Variants in JAKMIP2 observed in about 807,000 individuals in gnomAD.
The protein encoded by JAKMIP2 is janus kinase and microtubule-interacting protein 2.
In JAKMIP2, 25 loss-of-function variants were observed where a neutral mutation model predicts 115.0. The ratio of observed to expected loss-of-function variants is 0.22; its 90% CI spans 0.16 to 0.30. The LOEUF is 0.30. Ranked by LOEUF, JAKMIP2 falls within the 10% of genes least tolerant of loss-of-function variation. The pLI is 1.00. For missense variants in JAKMIP2, 642 were observed against 957.6 expected (o/e 0.67, Z 4.35); for synonymous variants, 334 against 343.6 (o/e 0.97, Z 0.31).
intron 1 of JAKMIP2, among the ~76,000 whole-genome samples, chr5:147,751,725 G>A (rs763288409): frequency 2.0e-5 from 3 of 152,014 alleles, no homozygotes; most frequent in Non-Finnish European, 2.9e-5. Context: ...CTTTCTGGTC[G>A]AAAAAGTTTT....
Position 147,675,783 on chromosome 5 carries a change from ATTTT to A in JAKMIP2, c.-148-3833_-148-3830del, listed in dbSNP as rs1245892919. Among the ~76,000 whole-genome samples, 745 of 99,190 alleles carry A rather than the reference ATTTT, an allele frequency of 7.5e-3. 7 individuals are homozygous for A. The highest frequency in any genetic ancestry group is 0.023 in the African/African-American group (679 of 29,206). The allele number at this position is 99,190 out of a possible 152,430, so 65.1% of individuals were successfully genotyped here. ...TTTTGTATAAGTGGAATCATATGAC[ATTTT>A]TTTTTTTTTTTTTTTTTTGTGACTG... is the stretch of plus-strand genomic sequence containing the variant. On this transcript the variant is annotated intron_variant, in intron 1 of 21. Coordinates refer to ENST00000616793, the MANE Select transcript of JAKMIP2 (RefSeq NM_001270941.2).
intron 21 of JAKMIP2, among the ~76,000 whole-genome samples, chr5:147,593,642 T>C (rs1305420967): frequency 2.0e-5 from 3 of 152,140 alleles, no homozygotes; most frequent in African/African-American, 4.8e-5. Context: ...CTTAAGACTT[T>C]TGAGGATTGA....
intron 1 of JAKMIP2, among the ~76,000 whole-genome samples, chr5:147,770,037 C>A (rs1331414779): frequency 6.6e-6 from 1 of 152,030 alleles, no homozygotes; most frequent in Non-Finnish European, 1.5e-5. Flanking sequence ...TTTTCATTTG[C>A]ACTATTTTGG....
chr5:147,740,067 G>A (rs529341448), intron 1 of JAKMIP2, among the ~76,000 whole-genome samples: 108 of 152,326 alleles, frequency 7.1e-4, no homozygotes, highest in African/African-American at 2.5e-3. Flanking sequence ...TAAATCAACT[G>A]GAACCTCACT....
chr5:147,654,928 A>C (rs1188806586), intron 3 of JAKMIP2, among the ~76,000 whole-genome samples: 1 of 152,140 alleles, frequency 6.6e-6, no homozygotes, highest in South Asian at 2.1e-4. Flanking sequence ...GTTGAATTTT[A>C]TTGAAGGCCT....
intron 1 of JAKMIP2, among the ~76,000 whole-genome samples, chr5:147,721,904 A>C (rs1291933695): frequency 6.6e-6 from 1 of 151,824 alleles, no homozygotes; most frequent in African/African-American, 2.4e-5. Flanking sequence ...TTTCATACTA[A>C]AGTGTGGGAG....
chr5:147,688,889 C>A (rs1039354322), intron 1 of JAKMIP2, among the ~76,000 whole-genome samples: 1 of 152,168 alleles, frequency 6.6e-6, no homozygotes, highest in Non-Finnish European at 1.5e-5. Flanking sequence ...AGACATACAT[C>A]GTTGGCTCAT....
At chr5:147,669,237 C>T (rs563064278) in intron 2 of JAKMIP2, among the ~76,000 whole-genome samples, 9 of 152,220 alleles carry the variant, frequency 5.9e-5, no homozygotes, top group South Asian at 2.1e-4. Context: ...TGCTCTTTGG[C>T]GAAGGATGCT....
intron 8 of JAKMIP2, 83 bp from the exon 9 acceptor site, chr5:147,640,906 G>T: frequency 8.1e-7 from 1 of 1,241,618 alleles, no homozygotes. Context: ...ACTGGCATAC[G>T]TGTAAGTGAA....
intron 1 of JAKMIP2, among the ~76,000 whole-genome samples, chr5:147,728,835 A>G (rs1026076429): frequency 2.6e-5 from 4 of 152,162 alleles, no homozygotes; most frequent in Non-Finnish European, 4.4e-5. Flanking sequence ...TGTTCAGCTT[A>G]CCTGCTTTAG....
Position 147,782,595 on chromosome 5 carries a change from T to C in JAKMIP2, c.-288A>G. 3.5e-6 allele frequency: 3 copies of C among 864,366 alleles called. No homozygotes were observed. The highest frequency in any genetic ancestry group is 5.6e-6 in the Non-Finnish European group (3 of 535,242). The allele number at this position is 864,366 out of a possible 1,614,324, so 53.5% of individuals were successfully genotyped here. On this transcript the variant is annotated 5_prime_UTR_variant, in exon 1 of 22. Coordinates refer to ENST00000616793, the MANE Select transcript of JAKMIP2 (RefSeq NM_001270941.2). ...TTTTTTTTTTCCCTCTGTCTCTGGT[T>C]GGCGATGGTGCGAATAGGAACCACC...
intron 20 of JAKMIP2, among the ~76,000 whole-genome samples, chr5:147,609,847 T>A (rs1356802542): frequency 6.6e-6 from 1 of 151,994 alleles, no homozygotes; most frequent in Non-Finnish European, 1.5e-5. Flanking sequence ...ACACATAGTC[T>A]CATAGTCTCA....
At chr5:147,688,938 T>C (rs1347674595) in intron 1 of JAKMIP2, among the ~76,000 whole-genome samples, 2 of 152,200 alleles carry the variant, frequency 1.3e-5, no homozygotes, top group Non-Finnish European at 2.9e-5. Context: ...ATAATAAGCA[T>C]GCTAAGTAAA....
chr5:147,752,879 A>G (rs553983450), intron 1 of JAKMIP2, among the ~76,000 whole-genome samples: 1 of 152,078 alleles, frequency 6.6e-6, no homozygotes, highest in African/African-American at 2.4e-5. Flanking sequence ...TGAGATGGGG[A>G]GTTCTGGGGG....
intron 1 of JAKMIP2, among the ~76,000 whole-genome samples, chr5:147,702,608 GA>G (rs1671721087): frequency 2.0e-4 from 3 of 14,848 alleles, no homozygotes; most frequent in Non-Finnish European, 5.6e-4. Flanking sequence ...AAGAAGGAAA[GA>G]AAGAAAGAAA....
intron 1 of JAKMIP2, among the ~76,000 whole-genome samples, chr5:147,750,924 G>A (rs1754529002): frequency 6.6e-6 from 1 of 152,066 alleles, no homozygotes; most frequent in Admixed American, 6.6e-5. Context: ...CAGAACTGTT[G>A]AGAAAAAAAT....
chr5:147,648,477 A>G lies in JAKMIP2; in HGVS notation c.838-3T>C. ...CTCTTTTGATTTCTTCGCAAATCCTACAAAGAAAAATTAAAATGGGTATTT... is the reference window on the plus strand; with the variant it reads ...CTCTTTTGATTTCTTCGCAAATCCTGCAAAGAAAAATTAAAATGGGTATTT... On this transcript the variant is annotated splice_region_variant and splice_polypyrimidine_tract_variant and intron_variant, in intron 4 of 21. Transcript: ENST00000616793. 1.3e-6 allele frequency: 2 copies of G among 1,544,612 alleles called. No homozygotes were observed. The highest frequency in any genetic ancestry group is 1.8e-6 in the Non-Finnish European group (2 of 1,119,148).
chr5:147,684,816 C>T (rs1344085969), intron 1 of JAKMIP2, among the ~76,000 whole-genome samples: 1 of 151,996 alleles, frequency 6.6e-6, no homozygotes, highest in East Asian at 1.9e-4. Flanking sequence ...AAATTAGAGG[C>T]TGTAGGTCCT....
At chr5:147,782,354 T>G (rs1755792529) in intron 1 of JAKMIP2, 102 bp downstream of exon 1, 1 of 1,189,292 alleles carries the variant, frequency 8.4e-7, no homozygotes, top group Admixed American at 2.0e-5. Context: ...CCTTCTAGTC[T>G]GAGGCACGGG....
Sources: gnomAD v4.1 joint callset for allele counts (sites outside exome capture counted in the v4.1 genomes callset) on GRCh38, gnomAD v4.1.1 for gene constraint, MANE v1.5 for transcripts, NCBI Gene and HGNC (gene_info 2026-07-23, HGNC 2026-07-21) for gene names.